Variants in MPDZ observed in about 807,000 individuals in gnomAD.
MPDZ encodes multiple PDZ domain protein.
A neutral mutation model predicts 239.1 loss-of-function variants in MPDZ; 234 were observed. The ratio of observed to expected loss-of-function variants is 0.98; its 90% confidence interval spans 0.88 to 1.09. The LOEUF (loss-of-function observed/expected upper bound fraction) is 1.09. Among genes scored for constraint, MPDZ ranks in the 50% least tolerant of loss-of-function variants. MPDZ has a pLI of 0.00. For missense variants in MPDZ, 3,175 were observed against 2,510.0 expected (o/e 1.26, Z -5.66); for synonymous variants, 1,048 against 881.3 (o/e 1.19, Z -3.35).
At chr9:13,156,110 C>T (rs908793867) in intron 24 of MPDZ, among the ~76,000 whole-genome samples, 3 of 152,126 alleles carry the variant, frequency 2.0e-5, no homozygotes, top group African/African-American at 7.2e-5. Context: ...CAAAGCCAAC[C>T]ACTGACTCAC....
intron 1 of MPDZ, among the ~76,000 whole-genome samples, chr9:13,268,741 C>T (rs1317105650): frequency 6.6e-6 from 1 of 152,140 alleles, no homozygotes; most frequent in Non-Finnish European, 1.5e-5. Context: ...GCAACAAAAC[C>T]ATAAAGAACC....
In MPDZ at chr9:13,221,407, C is replaced by G. The variant is rs375557032; in HGVS notation, c.841G>C (p.Val281Leu). 3 of 1,610,704 alleles carry G rather than the reference C, an allele frequency of 1.9e-6. No individual in the cohort carries two copies. The African/African-American group carries it at 4.0e-5, about 22-fold the overall frequency. ...ACTCCTCCAGGCAGAATGGTTTTTA[C>G]TATCACACCAGTTGCTTTTCCTCCT... ...IIGGKATGVIVKTILPGGVAD... is the reference protein window; with the variant it reads ...IIGGKATGVILKTILPGGVAD... The change falls in exon 7 of 47, where the codon GTA (valine) becomes CTA (leucine). Residue 281 changes from valine to leucine, a missense_variant. Val to Leu is a conservative substitution (Grantham distance 32, BLOSUM62 1). Coordinates refer to ENST00000319217, the MANE Select transcript of MPDZ (RefSeq NM_001378778.1).
At chr9:13,203,882 A>G (rs1221346827) in intron 12 of MPDZ, among the ~76,000 whole-genome samples, 1 of 152,044 alleles carries the variant, frequency 6.6e-6, no homozygotes, top group Non-Finnish European at 1.5e-5. Flanking sequence ...CCCACTTAAT[A>G]TCACAAGTAT....
At chr9:13,130,170 A>G (rs1945751683) in intron 32 of MPDZ, among the ~76,000 whole-genome samples, 1 of 152,218 alleles carries the variant, frequency 6.6e-6, no homozygotes. Context: ...TGATCAATTG[A>G]ATTTGCATTT....
At chr9:13,266,908 G>A (rs1971908289) in intron 1 of MPDZ, among the ~76,000 whole-genome samples, 3 of 152,170 alleles carry the variant, frequency 2.0e-5, no homozygotes, top group Admixed American at 2.0e-4. Flanking sequence ...TGTCTACCCT[G>A]ACTAGAGTCG....
intron 10 of MPDZ, among the ~76,000 whole-genome samples, chr9:13,206,748 T>G (rs1030825479): frequency 6.6e-6 from 1 of 152,102 alleles, no homozygotes; most frequent in Non-Finnish European, 1.5e-5. Flanking sequence ...TTGACCATGT[T>G]GGCCAGGATG....
chr9:13,176,457 G>A (rs530028757), intron 19 of MPDZ, 40 bp from the exon 20 acceptor site: 15 of 1,464,328 alleles, frequency 1.0e-5, no homozygotes, highest in South Asian at 4.5e-5. Context: ...CATGAAAAAT[G>A]TGACCAGAAT....
chr9:13,166,345 T>C (rs530930925), intron 22 of MPDZ, among the ~76,000 whole-genome samples: 7 of 152,180 alleles, frequency 4.6e-5, no homozygotes, highest in Non-Finnish European at 7.4e-5. Flanking sequence ...CAGAACATGC[T>C]GCTCAGCCCT....
chr9:13,121,697 T>A (rs1355429601), intron 38 of MPDZ, 42 bp downstream of exon 38: 3 of 1,600,106 alleles, frequency 1.9e-6, no homozygotes. Flanking sequence ...TTAAGTCCCA[T>A]CATTTCCAAG....
chr9:13,202,178 T>G (rs1417257699), intron 12 of MPDZ, among the ~76,000 whole-genome samples: 2 of 152,144 alleles, frequency 1.3e-5, no homozygotes, highest in African/African-American at 4.8e-5. Flanking sequence ...CTGGGGAGGA[T>G]TTACATGAGT....
At chr9:13,147,240 T>C (rs1442079827) in intron 26 of MPDZ, among the ~76,000 whole-genome samples, 2 of 152,074 alleles carry the variant, frequency 1.3e-5, no homozygotes, top group Non-Finnish European at 2.9e-5. Context: ...TGATGCCACA[T>C]TCCTTTTAAT....
chr9:13,185,033 T>C (rs1953907717), intron 18 of MPDZ, among the ~76,000 whole-genome samples: 1 of 152,034 alleles, frequency 6.6e-6, no homozygotes, highest in Non-Finnish European at 1.5e-5. Flanking sequence ...TAATCATATA[T>C]AGTATTTGTA....
At chr9:13,188,561 G>T (rs1280279720) in intron 17 of MPDZ, among the ~76,000 whole-genome samples, 1 of 152,014 alleles carries the variant, frequency 6.6e-6, no homozygotes, top group East Asian at 1.9e-4. Flanking sequence ...CCAAAGACCA[G>T]TAAGTTAGAA....
At chr9:13,181,069 G>A (rs967824158) in intron 19 of MPDZ, among the ~76,000 whole-genome samples, 1 of 152,122 alleles carries the variant, frequency 6.6e-6, no homozygotes. Flanking sequence ...TCATCAAGGG[G>A]AAGAGACAGG....
chr9:13,143,636 T>C, intron 26 of MPDZ, 72 bp from the exon 27 acceptor site: 1 of 1,173,150 alleles, frequency 8.5e-7, no homozygotes, highest in Admixed American at 1.7e-5. Flanking sequence ...AAAAGCAAAG[T>C]ACATACCGAT....
chr9:13,120,185 C>G (rs898566884), intron 38 of MPDZ: 8 of 153,002 alleles, frequency 5.2e-5, no homozygotes, highest in African/African-American at 1.9e-4. Flanking sequence ...TACACATCTT[C>G]CACACGAGAT....
chr9:13,175,897 C>T (rs1347689269), intron 20 of MPDZ, 22 bp from the exon 21 acceptor site: 1 of 1,573,526 alleles, frequency 6.4e-7, no homozygotes, highest in Non-Finnish European at 8.6e-7. Flanking sequence ...AAAAAGAAGT[C>T]ACAAGTCACA....
At chr9:13,253,488 A>C (rs2138222371) in intron 1 of MPDZ, among the ~76,000 whole-genome samples, 1 of 152,258 alleles carries the variant, frequency 6.6e-6, no homozygotes, top group South Asian at 2.1e-4. Flanking sequence ...GTAATCACAA[A>C]ATTTTTTAGA....
chr9:13,121,667 C>G (rs1322275854), intron 38 of MPDZ, 72 bp downstream of exon 38: 1 of 1,493,420 alleles, frequency 6.7e-7, no homozygotes, highest in Non-Finnish European at 9.3e-7. Context: ...TCACCTACTG[C>G]TATTACTCTT....
Sources: gnomAD v4.1 joint callset for allele counts (sites outside exome capture counted in the v4.1 genomes callset) on GRCh38, gnomAD v4.1.1 for gene constraint, MANE v1.5 for transcripts, NCBI Gene and HGNC (gene_info 2026-07-23, HGNC 2026-07-21) for gene names.